Variants in MOB3A observed in about 807,000 individuals in gnomAD.
MOB3A encodes MOB kinase activator 3A, also known as MOB LAK.
A neutral mutation model predicts 17.8 loss-of-function variants in MOB3A; 17 were observed. The observed-to-expected ratio is 0.95, with a 90% CI of 0.65 to 1.43. The LOEUF (loss-of-function observed/expected upper bound fraction) is 1.43. MOB3A is among the 40% of genes most tolerant of loss of function. The pLI is 0.00. For missense variants in MOB3A, 333 were observed against 310.8 expected (o/e 1.07, Z -0.54); for synonymous variants, 124 against 133.2 (o/e 0.93, Z 0.48).
chr19:2,073,043 G>A lies in MOB3A; in HGVS notation c.*352C>T. 1 of 323,526 alleles carries A rather than the reference G, an allele frequency of 3.1e-6. No homozygotes were observed. Among genetic ancestry groups the A allele is most frequent in the South Asian group, 5.7e-5 (1 of 17,450 alleles). 20.0% of individuals were successfully genotyped at this position (323,526 alleles called of 1,614,324 possible). A position where few individuals can be genotyped will look rare whatever the true frequency, so the allele number is the denominator to read the frequency against. On this transcript the variant is annotated 3_prime_UTR_variant, in exon 5 of 5. Coordinates refer to ENST00000357066, the MANE Select transcript of MOB3A (RefSeq NM_130807.3). ...GCTCCCCAGCGAGGTGGAGGCAGAA[G>A]TTCCAGGAGCCTGGGAGCCACCCAG... is the stretch of plus-strand genomic sequence containing the variant.
rs201134829 is a variant in MOB3A at position 2,078,368 on chromosome 19, C to T, written c.193G>A (p.Val65Met). ...TTGACGCGGTTAAAGAAGTCCACCACGTGAACAGCCACCCAGTCGTTCAGG... is the reference window on the plus strand; with the variant it reads ...TTGACGCGGTTAAAGAAGTCCACCATGTGAACAGCCACCCAGTCGTTCAGG... Reference protein sequence around the residue: ...EDLNDWVAVHVVDFFNRVNLI... With the variant: ...EDLNDWVAVHMVDFFNRVNLI... Residue 65 changes from valine to methionine, a missense_variant, in exon 3 of 5, where the codon GTG becomes ATG. Physicochemically the swap from Val to Met is conservative, Grantham distance 21 (BLOSUM62 1). Coordinates refer to ENST00000357066, the MANE Select transcript of MOB3A (RefSeq NM_130807.3). 47 of 1,614,098 alleles carry T rather than the reference C, an allele frequency of 2.9e-5. No individual in the cohort carries two copies. The highest frequency in any genetic ancestry group is 3.6e-5 in the Non-Finnish European group (43 of 1,180,044).
chr19:2,076,698 G>A (rs2017413602), intron 4 of MOB3A, 113 bp downstream of exon 4: 5 of 1,107,738 alleles, frequency 4.5e-6, no homozygotes, highest in Admixed American at 4.3e-5. Flanking sequence ...AGCCGGGGCC[G>A]CCAGCTGCTG....
rs2017377574 is a variant in MOB3A at position 2,074,388 on chromosome 19, AAAAG to A, written c.625-968_625-965del. Reference sequence around the variant, plus strand: ...AAGTTCTGGAATACAGAAAAAAAGAAAAAGAAAAAAGAAAAGAAAAAGAAAGAAA... The same window carrying A: ...AAGTTCTGGAATACAGAAAAAAAGAAAAAAAAGAAAAGAAAAAGAAAGAAA... On this transcript the variant is annotated intron_variant, in intron 4 of 4. Transcript: ENST00000357066. Among the ~76,000 whole-genome samples, 2 of 152,012 alleles carry A rather than the reference AAAAG, an allele frequency of 1.3e-5. 1 individual carries two copies. The highest frequency in any genetic ancestry group is 1.3e-4 in the Admixed American group (2 of 15,252).
intron 1 of MOB3A, among the ~76,000 whole-genome samples, chr19:2,090,372 GC>G (rs1391351574): frequency 6.6e-6 from 1 of 152,150 alleles, no homozygotes; most frequent in Non-Finnish European, 1.5e-5. Context: ...AGACCACCCT[GC>G]CCCCTGCCCC....
At position 2,087,250 on chromosome 19, in the gene MOB3A, T is replaced by TTTTA. The variant is rs111886773; in HGVS notation, c.-273-1926_-273-1923dup. ...TGACATATGACTCACATCCCACACG[T>TTTTA]TTTAACCTTTTCAGTTACAGTTCAG... is the stretch of plus-strand genomic sequence containing the variant. On this transcript the variant is annotated intron_variant, in intron 1 of 4. Transcript: ENST00000357066. Among the ~76,000 whole-genome samples, 101 of 152,322 alleles carry TTTTA rather than the reference T, an allele frequency of 6.6e-4. 1 individual carries two copies. The highest frequency in any genetic ancestry group is 2.2e-3 in the African/African-American group (93 of 41,570).
At position 2,082,305 on chromosome 19, in the gene MOB3A, A is replaced by C. The variant is rs2144926277; in HGVS notation, c.-120+2870T>G. 6.6e-6 allele frequency among the ~76,000 whole-genome samples: 1 copy of C among 152,320 alleles called. No homozygotes were observed. The highest frequency in any genetic ancestry group is 1.9e-4 in the East Asian group (1 of 5,176). On this transcript the variant is annotated intron_variant, in intron 2 of 4. Transcript: ENST00000357066. This position sits in a 1 kb window ranked among gnomAD's most constrained non-coding sequence, Gnocchi z 4.1. The stretch of plus-strand genomic sequence containing the variant: ...TCTCTGGGGTGGGGCCGTCAGGGGC[A>C]CTGCAAGGTGCTGAGCGGCATCCCT...
At chr19:2,076,249 G>A (rs1332358552) in intron 4 of MOB3A, among the ~76,000 whole-genome samples, 3 of 150,630 alleles carry the variant, frequency 2.0e-5, no homozygotes, top group Non-Finnish European at 4.4e-5. Context: ...TGGCTAACAC[G>A]GTGAAACCCC....
Position 2,073,435 on chromosome 19 carries a change from C to T in MOB3A, c.625-11G>A, listed in dbSNP as rs146206720. The T allele has an allele frequency of 2.0e-4, 328 of 1,613,796 alleles. No individual in the cohort carries two copies. In the African/African-American group the frequency reaches 3.8e-3, roughly 19 times the overall value. ...GGCGGTCATTTCTTTCTGTAAAGAG[C>T]AAGCAAGACATCAGCTCCCACCAGC... On this transcript the variant is annotated splice_polypyrimidine_tract_variant and intron_variant, in intron 4 of 4. Coordinates refer to ENST00000357066, the MANE Select transcript of MOB3A (RefSeq NM_130807.3).
chr19:2,087,009 T>G (rs1295492769), intron 1 of MOB3A, among the ~76,000 whole-genome samples: 1 of 152,092 alleles, frequency 6.6e-6, no homozygotes, highest in African/African-American at 2.4e-5. Flanking sequence ...CAGGCTGGTC[T>G]TGAGCTTCTG....
chr19:2,089,043 G>A (rs1413670378), intron 1 of MOB3A, among the ~76,000 whole-genome samples: 1 of 152,164 alleles, frequency 6.6e-6, no homozygotes, highest in African/African-American at 2.4e-5. Context: ...ACTTCCCTAC[G>A]CACTCATAAA....
chr19:2,092,503 G>A (rs942696169), intron 1 of MOB3A, among the ~76,000 whole-genome samples: 4 of 152,054 alleles, frequency 2.6e-5, no homozygotes, highest in Non-Finnish European at 4.4e-5. Flanking sequence ...GGGGTGAGGC[G>A]CGGTGGCTTA....
Position 2,078,400 on chromosome 19 carries a change from C to T in MOB3A, c.161G>A (p.Gly54Asp). ...AGCCACCCAGTCGTTCAGGTCCTCG[C>T]CCGGGGGCAACTGCACGGCCAGCCG... ...DLRLAVQLPP[G>D]EDLNDWVAVH... Residue 54 changes from glycine to aspartate, a missense_variant, in exon 3 of 5, where the codon GGC becomes GAC. Gly to Asp is a moderately conservative substitution (Grantham distance 94, BLOSUM62 -1). Transcript: ENST00000357066. The T allele has an allele frequency of 6.2e-7, 1 of 1,614,128 alleles. No individual in the cohort carries two copies. Among genetic ancestry groups the T allele is most frequent in the Non-Finnish European group, 8.5e-7 (1 of 1,180,004 alleles).
At chr19:2,087,616 C>G (rs1379136444) in intron 1 of MOB3A, among the ~76,000 whole-genome samples, 1 of 152,214 alleles carries the variant, frequency 6.6e-6, no homozygotes, top group African/African-American at 2.4e-5. Context: ...GATTGTGCCA[C>G]TGCACTGCAG....
At chr19:2,092,607 A>T (rs1013261129) in intron 1 of MOB3A, among the ~76,000 whole-genome samples, 2 of 151,978 alleles carry the variant, frequency 1.3e-5, no homozygotes, top group Non-Finnish European at 2.9e-5. Flanking sequence ...AACACCAAAA[A>T]ATTAGCCGGG....
chr19:2,086,671 T>G (rs533563266), intron 1 of MOB3A, among the ~76,000 whole-genome samples: 1 of 152,292 alleles, frequency 6.6e-6, no homozygotes, highest in South Asian at 2.1e-4. Flanking sequence ...GGGTTTACTT[T>G]TAAACGTTAC....
At chr19:2,076,659 C>T in intron 4 of MOB3A, 152 bp downstream of exon 4, 1 of 707,504 alleles carries the variant, frequency 1.4e-6, no homozygotes, top group Non-Finnish European at 2.4e-6. Flanking sequence ...CCACTTGTCC[C>T]ATCAGCAGGG....
chr19:2,089,766 C>G lies in MOB3A; in HGVS notation c.-273-4438G>C, dbSNP rs142854189. ...GTGTCTGGTGTGAGCAGGGAGCAGA[C>G]TTGATTTTTTTTTCCCAAATAACTA... On this transcript the variant is annotated intron_variant, in intron 1 of 4. Coordinates refer to ENST00000357066, the MANE Select transcript of MOB3A (RefSeq NM_130807.3). 2.2e-3 allele frequency among the ~76,000 whole-genome samples: 328 copies of G among 152,152 alleles called. 3 individuals carry two copies. Among genetic ancestry groups the G allele is most frequent in the African/African-American group, 7.6e-3 (314 of 41,522 alleles).
intron 1 of MOB3A, among the ~76,000 whole-genome samples, chr19:2,095,789 G>C (rs1391080835): frequency 6.6e-6 from 1 of 150,944 alleles, no homozygotes; most frequent in African/African-American, 2.4e-5. Flanking sequence ...TGGTTGCCCA[G>C]GCTGGAGTGC....
At chr19:2,084,336 T>C in intron 2 of MOB3A, 1 of 334,134 alleles carries the variant, frequency 3.0e-6, no homozygotes, top group South Asian at 2.1e-5. Flanking sequence ...CCACTAAAAA[T>C]ACAAAAAACT....
Sources: gnomAD v4.1 joint callset for allele counts (sites outside exome capture counted in the v4.1 genomes callset) on GRCh38, gnomAD v4.1.1 for gene constraint, Gnocchi (gnomAD v3.1) non-coding constraint, MANE v1.5 for transcripts, NCBI Gene and HGNC (gene_info 2026-07-23, HGNC 2026-07-21) for gene names.